GPR153: variants seen among roughly 807,000 people sequenced by gnomAD.
The protein encoded by GPR153 is G protein-coupled receptor 153.
Under a neutral mutation model 34.1 loss-of-function variants are expected in GPR153, and 27 were observed. The ratio of observed to expected loss-of-function variants is 0.79; its 90% CI spans 0.58 to 1.09. The LOEUF is 1.09. GPR153 is among the 50% of genes least tolerant of loss of function. GPR153 has a pLI of 0.00. For missense variants in GPR153, 848 were observed against 860.2 expected, an observed-to-expected ratio of 0.99 and a Z score of 0.18; for synonymous variants, 408 against 405.4, an observed-to-expected ratio of 1.01 and a Z score of -0.08.
At position 6,249,694 on chromosome 1, in the gene GPR153, G is replaced by GGGGGCC. The variant is rs1638392763; in HGVS notation, c.1468_1473dup (p.Gly490_Pro491dup). The GGGGGCC allele has an allele frequency of 1.9e-6, 2 of 1,044,024 alleles. No homozygotes were observed. The highest frequency in any genetic ancestry group is 8.8e-5 in the South Asian group (2 of 22,718). 64.7% of individuals were successfully genotyped at this position (1,044,024 alleles called of 1,614,324 possible). A position where few individuals can be genotyped will look rare whatever the true frequency, so the allele number is the denominator to read the frequency against. ...GGCAGCAGCGAGGCCGAGGCGGAGC[G>GGGGGCC]GGGGCCGGGCCCGGGGCGGCGGCGC... On this transcript the variant is annotated inframe_insertion, in exon 6 of 6. Transcript: ENST00000377893. The surrounding 1 kb of genome is among the most constrained non-coding windows in gnomAD (Gnocchi z 4.3).
At position 6,249,958 on chromosome 1, in the gene GPR153, C is replaced by T; in HGVS notation, c.1210G>A (p.Ala404Thr). 7.8e-7 allele frequency: 1 copy of T among 1,282,986 alleles called. No individual in the cohort carries two copies. The highest frequency in any genetic ancestry group is 1.5e-5 in the African/African-American group (1 of 64,684). 79.5% of individuals were successfully genotyped at this position (1,282,986 alleles called of 1,614,324 possible). The change falls in exon 6 of 6, where the codon GCC becomes ACC. Residue 404 changes from alanine (A) to threonine (T), a missense_variant. Transcript: ENST00000377893. The surrounding 1 kb of genome is among the most constrained non-coding windows in gnomAD (Gnocchi z 4.3). ...AGGAAGGCGGGCAGCGGGACGGCGG[C>T]CCACACGTCCGCATCGTCGTGGGAG... ...RFSHDDADVW[A>T]AVPLPAFLPR...
chr1:6,249,698 G>A lies in GPR153; in HGVS notation c.1470C>T (p.Gly490=). 1 of 1,039,864 alleles carries A rather than the reference G, an allele frequency of 9.6e-7. No individual in the cohort carries two copies. The highest frequency in any genetic ancestry group is 1.2e-6 in the Non-Finnish European group (1 of 867,350). 64.4% of individuals were successfully genotyped at this position (1,039,864 alleles called of 1,614,324 possible). Residue 490 remains glycine, a synonymous_variant, in exon 6 of 6, where the codon GGC becomes GGT. Transcript: ENST00000377893. The surrounding 1 kb of genome is among the most constrained non-coding windows in gnomAD (Gnocchi z 4.3). The part of the protein sequence containing the change: ...PGSPRRRPGP[G]PRSASASLLP... ...GCAGCGAGGCCGAGGCGGAGCGGGG[G>A]CCGGGCCCGGGGCGGCGGCGCGGGC...
At chr1:6,260,616 G>T (rs972964406) in intron 1 of GPR153, among the ~76,000 whole-genome samples, 1 of 151,800 alleles carries the variant, frequency 6.6e-6, no homozygotes, top group African/African-American at 2.4e-5. Context: ...GCTAGGCCCC[G>T]ATGCAGGGGG....
intron 1 of GPR153, among the ~76,000 whole-genome samples, chr1:6,256,844 CTG>C (rs137989636): frequency 0.018 from 2,752 of 152,298 alleles, 89 homozygotes; most frequent in African/African-American, 0.064. Context: ...GTCTTAAGTA[CTG>C]TGTTACAACA....
At chr1:6,260,275 T>G (rs1228670966) in intron 1 of GPR153, among the ~76,000 whole-genome samples, 1 of 149,726 alleles carries the variant, frequency 6.7e-6, no homozygotes, top group Non-Finnish European at 1.5e-5. Context: ...GGGCCCGGCC[T>G]GGCCGTCGCC....
At chr1:6,257,583 C>A (rs971645572) in intron 1 of GPR153, among the ~76,000 whole-genome samples, 1 of 152,358 alleles carries the variant, frequency 6.6e-6, no homozygotes, top group South Asian at 2.1e-4. Context: ...AGGTCTGGCA[C>A]ACACTGGGTG....
Position 6,251,556 on chromosome 1 carries a change from A to C in GPR153, c.787-26T>G. ...CTGTGGGCACAGGGCTCGGCCTGGC[A>C]CCTGCAGGACCCCCCACCATCACAC... On this transcript the variant is annotated intron_variant, in intron 3 of 5. Transcript: ENST00000377893. The surrounding 1 kb of genome is among the most constrained non-coding windows in gnomAD (Gnocchi z 4.9). 2 of 1,540,876 alleles carry C rather than the reference A, an allele frequency of 1.3e-6. No individual in the cohort carries two copies. Among genetic ancestry groups the C allele is most frequent in the Non-Finnish European group, 8.7e-7 (1 of 1,147,226 alleles).
At chr1:6,254,507 G>A (rs753454203) in intron 2 of GPR153, 43 bp downstream of exon 2, 40 of 1,474,060 alleles carry the variant, frequency 2.7e-5, no homozygotes, top group South Asian at 6.7e-5. Flanking sequence ...TTGTTTTCAC[G>A]CCTGCTTAGA....
At chr1:6,260,610 G>C (rs1638654958) in intron 1 of GPR153, among the ~76,000 whole-genome samples, 1 of 151,806 alleles carries the variant, frequency 6.6e-6, no homozygotes, top group African/African-American at 2.4e-5. Context: ...GGCGCTGCTA[G>C]GCCCCGATGC....
At position 6,255,004 on chromosome 1, in the gene GPR153, A is replaced by T; in HGVS notation, c.-99T>A. ...TCCTGGTGGCTCAAGGATGCTGGGG[A>T]CCACGAGCATCTGTGGGGGGGTGGC... On this transcript the variant is annotated 5_prime_UTR_variant, in exon 2 of 6. Transcript: ENST00000377893. 2.4e-6 allele frequency: 2 copies of T among 845,348 alleles called. No homozygotes were observed. The highest frequency in any genetic ancestry group is 3.5e-6 in the Non-Finnish European group (2 of 572,216). The allele number at this position is 845,348 out of a possible 1,614,324, so 52.4% of individuals were successfully genotyped here. A position where few individuals can be genotyped will look rare whatever the true frequency, so the allele number is the denominator to read the frequency against.
chr1:6,260,394 A>G (rs1295396391), intron 1 of GPR153, among the ~76,000 whole-genome samples: 3 of 48,034 alleles, frequency 6.2e-5, no homozygotes, highest in Admixed American at 1.9e-4. Flanking sequence ...CCCCCCCGCA[A>G]TCCCCGCTCC....
At chr1:6,257,255 C>T (rs1638587023) in intron 1 of GPR153, among the ~76,000 whole-genome samples, 1 of 152,254 alleles carries the variant, frequency 6.6e-6, no homozygotes, top group South Asian at 2.1e-4. Flanking sequence ...TATTTTACTT[C>T]ATCAGGCCAC....
At position 6,253,899 on chromosome 1, in the gene GPR153, T is replaced by C. The variant is rs1335709055; in HGVS notation, c.605A>G (p.Gln202Arg). ...AIALFQTLAV[Q>R]VGRQADRRAF... ...GCGGCGGTCGGCCTGGCGCCCCACCTGCACGGCCAGCGTCTGGAAGAGGGC... is the reference window on the plus strand; with the variant it reads ...GCGGCGGTCGGCCTGGCGCCCCACCCGCACGGCCAGCGTCTGGAAGAGGGC... The change falls in exon 3 of 6, where the codon CAG becomes CGG. Residue 202 changes from glutamine to arginine, a missense_variant. Physicochemically the swap from Gln to Arg is conservative, Grantham distance 43 (BLOSUM62 1). Coordinates refer to ENST00000377893, the MANE Select transcript of GPR153 (RefSeq NM_207370.4). 15 of 1,606,466 alleles carry C rather than the reference T, an allele frequency of 9.3e-6. No homozygotes were observed. Among genetic ancestry groups the C allele is most frequent in the Admixed American group, 1.7e-5 (1 of 59,202 alleles).
At position 6,254,015 on chromosome 1, in the gene GPR153, G is replaced by A; in HGVS notation, c.489C>T (p.Phe163=). ...AGCCCAGGCCGATCTCAGCCACGAT[G>A]AAGCGGCAGCCATGGGTGTAGAAGC... ...SERFYTHGCR[F]IVAEIGLGFG... Residue 163 remains phenylalanine, a synonymous_variant, in exon 3 of 6, where the codon TTC becomes TTT. Transcript: ENST00000377893. 1.2e-6 allele frequency: 2 copies of A among 1,613,484 alleles called. No homozygotes were observed. The highest frequency in any genetic ancestry group is 1.7e-6 in the Non-Finnish European group (2 of 1,180,000).
Position 6,254,821 on chromosome 1 carries a change from T to A in GPR153, c.85A>T (p.Ile29Phe), listed in dbSNP as rs369681536. 3 of 1,612,638 alleles carry A rather than the reference T, an allele frequency of 1.9e-6. No homozygotes were observed. The South Asian group carries it at 3.3e-5, about 18-fold the overall frequency. Reference sequence around the variant, plus strand: ...TTCTGCTTGGCGCCAACGCTGAGGATGCCCCAGGCATTGGCCAGCAGGGAG... The same window carrying A: ...TTCTGCTTGGCGCCAACGCTGAGGAAGCCCCAGGCATTGGCCAGCAGGGAG... ...GLSLLANAWG[I>F]LSVGAKQKKW... Residue 29 changes from isoleucine to phenylalanine, a missense_variant, in exon 2 of 6, where the codon ATC (isoleucine) becomes TTC (phenylalanine). By Grantham distance (21) the Ile-to-Phe change is conservative. Coordinates refer to ENST00000377893, the MANE Select transcript of GPR153 (RefSeq NM_207370.4).
chr1:6,257,211 C>G (rs1166177654), intron 1 of GPR153, among the ~76,000 whole-genome samples: 1 of 152,250 alleles, frequency 6.6e-6, no homozygotes. Context: ...CAGAGCCCCC[C>G]ACAGTGGACA....
At chr1:6,255,763 C>T (rs374933459) in intron 1 of GPR153, among the ~76,000 whole-genome samples, 21 of 145,630 alleles carry the variant, frequency 1.4e-4, no homozygotes, top group Admixed American at 8.8e-4. Context: ...AGCAATTCTC[C>T]GGCCTCAGCC....
chr1:6,260,369 G>T, intron 1 of GPR153, among the ~76,000 whole-genome samples: 1 of 96,746 alleles, frequency 1.0e-5, no homozygotes, highest in Non-Finnish European at 1.9e-5. Context: ...ACCCCCTGGG[G>T]CTCCGATCCC....
chr1:6,249,408 A>C lies in GPR153; in HGVS notation c.1760T>G (p.Phe587Cys). The C allele has an allele frequency of 2.2e-6, 3 of 1,381,500 alleles. No individual in the cohort carries two copies. The highest frequency in any genetic ancestry group is 2.8e-6 in the Non-Finnish European group (3 of 1,072,272). 85.6% of individuals were successfully genotyped at this position (1,381,500 alleles called of 1,614,324 possible). A position where few individuals can be genotyped will look rare whatever the true frequency, so the allele number is the denominator to read the frequency against. The part of the protein sequence containing the change: ...AAGGGGSTSS[F>C]LSSPSESSGY... Reference sequence around the variant, plus strand: ...CGAGGACTCGGAGGGGGAACTCAGGAAGCTGCTGGTGCTGCCGCCGCCGCC... The same window carrying C: ...CGAGGACTCGGAGGGGGAACTCAGGCAGCTGCTGGTGCTGCCGCCGCCGCC... The change falls in exon 6 of 6, where the codon TTC becomes TGC. Residue 587 changes from phenylalanine (F) to cysteine (C), a missense_variant. Physicochemically the swap from Phe to Cys is radical, Grantham distance 205. Coordinates refer to ENST00000377893, the MANE Select transcript of GPR153 (RefSeq NM_207370.4). This position sits in a 1 kb window ranked among gnomAD's most constrained non-coding sequence, Gnocchi z 4.3.
Sources: allele counts gnomAD v4.1 joint callset (sites outside exome capture counted in the v4.1 genomes callset), GRCh38; gene constraint gnomAD v4.1.1; non-coding constraint Gnocchi (gnomAD v3.1); transcripts MANE v1.5; gene names NCBI Gene and HGNC (gene_info 2026-07-23, HGNC 2026-07-21).